BCAT1: variants seen among roughly 807,000 people sequenced by gnomAD.
BCAT1 encodes branched-chain-amino-acid aminotransferase, cytosolic.
BCAT1 carries 48 observed loss-of-function variants against 52.4 expected under a neutral mutation model. That is an observed-to-expected ratio of 0.92 (90% CI 0.73 to 1.16). BCAT1 has a LOEUF of 1.16. Among genes scored for constraint, BCAT1 ranks in the 50% most tolerant of loss-of-function variants. The pLI is 0.00. For synonymous variants in BCAT1, 167 were observed against 161.3 expected (o/e 1.04, Z -0.27); for missense variants, 451 against 457.1 (o/e 0.99, Z 0.12).
intron 5 of BCAT1, among the ~76,000 whole-genome samples, chr12:24,876,370 T>TA (rs1302381022): frequency 1.3e-5 from 2 of 150,496 alleles, no homozygotes; most frequent in East Asian, 2.0e-4. Flanking sequence ...TATAGCAAGA[T>TA]AAAAAAATGG....
Position 24,948,991 on chromosome 12 carries a change from A to G in BCAT1, c.-59T>C, listed in dbSNP as rs1943979943. The G allele has an allele frequency of 1.9e-6, 3 of 1,562,636 alleles. No individual in the cohort carries two copies. The highest frequency in any genetic ancestry group is 2.6e-6 in the Non-Finnish European group (3 of 1,151,076). On this transcript the variant is annotated 5_prime_UTR_variant, in exon 1 of 11. Coordinates refer to ENST00000261192, the MANE Select transcript of BCAT1 (RefSeq NM_005504.7). ...GCGGAGGGCAGATCCCAAGGGTCGT[A>G]GCCCCTGGCCGTGTGGACCGGGTCT...
At position 24,902,174 on chromosome 12, in the gene BCAT1, C is replaced by T. The variant is rs1348442830; in HGVS notation, c.7-289G>A. 6 of 1,431,826 alleles carry T rather than the reference C, an allele frequency of 4.2e-6. No homozygotes were observed. The African/African-American group carries it at 5.7e-5, about 14-fold the overall frequency. The allele number at this position is 1,431,826 out of a possible 1,614,324, so 88.7% of individuals were successfully genotyped here. ...AGGTCAGCCCTACAGAGCCAGGGTT[C>T]GCCGGCAAAGAACAAAAAAACAATT... On this transcript the variant is annotated intron_variant, in intron 1 of 10. Coordinates refer to ENST00000261192, the MANE Select transcript of BCAT1 (RefSeq NM_005504.7).
At chr12:24,919,202 T>A (rs1943465891) in intron 1 of BCAT1, among the ~76,000 whole-genome samples, 1 of 152,238 alleles carries the variant, frequency 6.6e-6, no homozygotes, top group South Asian at 2.1e-4. Flanking sequence ...CAAATTAGAT[T>A]TTAAATATGG....
At chr12:24,870,132 C>G (rs1483254694) in intron 5 of BCAT1, among the ~76,000 whole-genome samples, 1 of 151,850 alleles carries the variant, frequency 6.6e-6, no homozygotes, top group East Asian at 1.9e-4. Context: ...AGGAAACTTC[C>G]CATCTATTGT....
chr12:24,898,519 A>ATTTTTTTTTTTT (rs1591853913), intron 2 of BCAT1, among the ~76,000 whole-genome samples: 1 of 24,044 alleles, frequency 4.2e-5, no homozygotes, highest in Non-Finnish European at 8.6e-5. Flanking sequence ...TTCAGTCAAC[A>ATTTTTTTTTTTT]CTTTTTTTTT....
At chr12:24,944,176 C>T (rs1293790245) in intron 1 of BCAT1, among the ~76,000 whole-genome samples, 1 of 152,238 alleles carries the variant, frequency 6.6e-6, no homozygotes, top group East Asian at 1.9e-4. Context: ...TTATGCTTCC[C>T]CATGTAGACT....
chr12:24,926,610 C>T lies in BCAT1; in HGVS notation c.6+22317G>A, dbSNP rs558957518. ...ATAGGAGACTCCATTTTGTTCTGTA[C>T]TAAGAAAAATTCTTCTGCCTTGGGA... On this transcript the variant is annotated intron_variant, in intron 1 of 10. Transcript: ENST00000261192. Among the ~76,000 whole-genome samples, 1,104 of 152,300 alleles carry T rather than the reference C, an allele frequency of 7.2e-3. 5 individuals carry two copies. Among genetic ancestry groups the T allele is most frequent in the Non-Finnish European group, 0.012 (828 of 67,990 alleles).
At chr12:24,856,211 G>T (rs1340123307) in intron 5 of BCAT1, among the ~76,000 whole-genome samples, 1 of 152,046 alleles carries the variant, frequency 6.6e-6, no homozygotes. Flanking sequence ...TAAAACCCCG[G>T]TGTGGATGAT....
At chr12:24,829,019 G>GTAAA (rs113337097) in intron 10 of BCAT1, among the ~76,000 whole-genome samples, 2,547 of 150,962 alleles carry the variant, frequency 0.017, 38 homozygotes, top group African/African-American at 0.023. Flanking sequence ...AAATAAATAA[G>GTAAA]TAAATAAATA....
At chr12:24,937,213 G>A (rs1004549282) in intron 1 of BCAT1, among the ~76,000 whole-genome samples, 16 of 152,114 alleles carry the variant, frequency 1.1e-4, no homozygotes, top group Non-Finnish European at 1.9e-4. Flanking sequence ...GTCTCTTTGA[G>A]GAAGTAGCAT....
chr12:24,880,502 A>G (rs1381292586), intron 4 of BCAT1, among the ~76,000 whole-genome samples: 1 of 152,192 alleles, frequency 6.6e-6, no homozygotes, highest in African/African-American at 2.4e-5. Context: ...GCTCCATAAG[A>G]AACATTGTGA....
rs756230328 is a variant in BCAT1, at chr12:24,894,493, T to C, written c.79-18A>G. 6.4e-7 allele frequency: 1 copy of C among 1,561,966 alleles called. No individual in the cohort carries two copies. On this transcript the variant is annotated intron_variant, in intron 2 of 10. Transcript: ENST00000261192. ...TCTTTAGCCTGGGGAAGAAAAATCATCACTATTTACAGAAAAGCTACTGAG... is the reference window on the plus strand; with the variant it reads ...TCTTTAGCCTGGGGAAGAAAAATCACCACTATTTACAGAAAAGCTACTGAG...
intron 6 of BCAT1, 111 bp downstream of exon 6, chr12:24,849,675 T>C: frequency 8.5e-7 from 1 of 1,171,122 alleles, no homozygotes; most frequent in South Asian, 2.2e-5. Flanking sequence ...TGAAACACAA[T>C]GAGCATTAAA....
intron 1 of BCAT1, among the ~76,000 whole-genome samples, chr12:24,948,687 G>T (rs1943973561): frequency 6.6e-6 from 1 of 152,162 alleles, no homozygotes; most frequent in Non-Finnish European, 1.5e-5. Flanking sequence ...TCCCAAAAGC[G>T]AATGTGAAAA....
chr12:24,932,995 A>G (rs553016782), intron 1 of BCAT1, among the ~76,000 whole-genome samples: 96 of 151,264 alleles, frequency 6.3e-4, no homozygotes, highest in African/African-American at 2.2e-3. Context: ...TATTTTTAGT[A>G]GAGACGGGGA....
At chr12:24,943,405 A>T (rs527775374) in intron 1 of BCAT1, among the ~76,000 whole-genome samples, 33 of 147,446 alleles carry the variant, frequency 2.2e-4, no homozygotes, top group African/African-American at 8.1e-4. Context: ...AGGCAGGAAG[A>T]TCACTTGAGC....
Position 24,943,700 on chromosome 12 carries a change from T to C in BCAT1, c.6+5227A>G, listed in dbSNP as rs532753786. The stretch of plus-strand genomic sequence containing the variant: ...AAGAATGTTTTCAGTTAAAGTAGTT[T>C]GAGGCCGGGAGCGGTGGCTCACGCC... On this transcript the variant is annotated intron_variant, in intron 1 of 10. Coordinates refer to ENST00000261192, the MANE Select transcript of BCAT1 (RefSeq NM_005504.7). 6.6e-5 allele frequency among the ~76,000 whole-genome samples: 10 copies of C among 152,104 alleles called. No homozygotes were observed. The South Asian group carries it at 1.9e-3, about 28-fold the overall frequency.
At chr12:24,908,836 G>A (rs1256367187) in intron 1 of BCAT1, among the ~76,000 whole-genome samples, 3 of 152,206 alleles carry the variant, frequency 2.0e-5, no homozygotes, top group Non-Finnish European at 2.9e-5. Context: ...GAAGTCCCTT[G>A]GTTGAGATTC....
rs114764693 is a variant in BCAT1, at chr12:24,855,731, A to C, written c.511-5782T>G. Reference sequence around the variant, plus strand: ...TGAGAAGTCTGGAGGAAGTCCGCCCATGGGCCAGACCTAACATTCCTTTCT... The same window carrying C: ...TGAGAAGTCTGGAGGAAGTCCGCCCCTGGGCCAGACCTAACATTCCTTTCT... On this transcript the variant is annotated intron_variant, in intron 5 of 10. Coordinates refer to ENST00000261192, the MANE Select transcript of BCAT1 (RefSeq NM_005504.7). Among the ~76,000 whole-genome samples the C allele has an allele frequency of 7.5e-3, 1,136 of 152,272 alleles. 9 individuals carry two copies. The highest frequency in any genetic ancestry group is 0.026 in the African/African-American group (1,099 of 41,544).
Sources: gnomAD v4.1 joint callset for allele counts (sites outside exome capture counted in the v4.1 genomes callset) on GRCh38, gnomAD v4.1.1 for gene constraint, MANE v1.5 for transcripts, NCBI Gene and HGNC (gene_info 2026-07-23, HGNC 2026-07-21) for gene names.